HGFAC: variants seen among roughly 807,000 people sequenced by gnomAD.
The protein encoded by HGFAC is hepatocyte growth factor activator serine protease.
In HGFAC, 76 loss-of-function variants were observed where a neutral mutation model predicts 70.6. That is an observed-to-expected ratio of 1.08 (90% confidence interval 0.89 to 1.30). The LOEUF is 1.30. Among genes scored for constraint, HGFAC ranks in the 50% most tolerant of loss-of-function variants. The pLI, the probability that HGFAC is intolerant of heterozygous loss-of-function variation, is 0.00. For missense variants in HGFAC, 1,044 were observed against 933.7 expected, an observed-to-expected ratio of 1.12 and a Z score of -1.54; for synonymous variants, 464 against 405.3, an observed-to-expected ratio of 1.14 and a Z score of -1.74.
chr4:3,445,606 C>G (rs1725481951), intron 9 of HGFAC: 1 of 602,064 alleles, frequency 1.7e-6, no homozygotes. Context: ...GGACCATGCC[C>G]AGGATGGCCG....
Position 3,447,562 on chromosome 4 carries a change from A to G in HGFAC, c.1426A>G (p.Thr476Ala), listed in dbSNP as rs1279094408. 1 of 1,612,546 alleles carries G rather than the reference A, an allele frequency of 6.2e-7. No homozygotes were observed. Among genetic ancestry groups the G allele is most frequent in the East Asian group, 2.2e-5 (1 of 44,888 alleles). The change falls in exon 11 of 14, where the codon ACC becomes GCC. Residue 476 changes from threonine (T) to alanine (A), a missense_variant. By Grantham distance (58) the Thr-to-Ala change is moderately conservative. Transcript: ENST00000382774. ...CAACCGCACGACGGACGTGACGCAGACCTTCGGCATCGAGAAGTACATCCC... is the reference window on the plus strand; with the variant it reads ...CAACCGCACGACGGACGTGACGCAGGCCTTCGGCATCGAGAAGTACATCCC... ...FFNRTTDVTQ[T>A]FGIEKYIPYT...
At chr4:3,445,134 G>A (rs1448691783) in intron 8 of HGFAC, 131 bp from the exon 9 acceptor site, 11 of 1,292,880 alleles carry the variant, frequency 8.5e-6, no homozygotes, top group Admixed American at 6.2e-5. Flanking sequence ...GAGGCTGCCC[G>A]AGGGAGGGCC....
rs981845983 is a variant in HGFAC, at chr4:3,447,959, C to T, written c.1560C>T (p.Ile520=). 1.2e-6 allele frequency: 2 copies of T among 1,600,636 alleles called. No individual in the cohort carries two copies. Among genetic ancestry groups the T allele is most frequent in the Admixed American group, 1.7e-5 (1 of 58,316 alleles). Residue 520 remains isoleucine, a synonymous_variant, in exon 12 of 14, where the codon ATC becomes ATT. Transcript: ENST00000382774. The part of the protein sequence containing the change: ...CATRSQFVQP[I]CLPEPGSTFP... Reference sequence around the variant, plus strand: ...CACGCTCGCAGTTCGTGCAGCCCATCTGCCTGCCCGAGCCCGGCAGCACCT... The same window carrying T: ...CACGCTCGCAGTTCGTGCAGCCCATTTGCCTGCCCGAGCCCGGCAGCACCT...
intron 3 of HGFAC, 47 bp from the exon 4 acceptor site, chr4:3,443,294 G>C: frequency 2.7e-6 from 4 of 1,490,530 alleles, no homozygotes; most frequent in Non-Finnish European, 3.6e-6. Context: ...GGGTGGGGTG[G>C]GGGGCCTCTG....
intron 8 of HGFAC, 86 bp from the exon 9 acceptor site, chr4:3,445,179 C>G: frequency 1.5e-6 from 2 of 1,352,752 alleles, no homozygotes; most frequent in Non-Finnish European, 1.0e-6. Context: ...CGGGGAACCG[C>G]CCTGCTGGGG....
rs969497306 is a variant in HGFAC, at chr4:3,446,150, T to C, written c.1211T>C (p.Leu404Pro). 6.2e-7 allele frequency: 1 copy of C among 1,611,772 alleles called. No individual in the cohort carries two copies. The highest frequency in any genetic ancestry group is 1.3e-5 in the African/African-American group (1 of 75,032). Residue 404 changes from leucine (L) to proline (P), a missense_variant, in exon 10 of 14, where the codon CTG becomes CCG. Leu to Pro is a moderately conservative substitution (Grantham distance 98). Coordinates refer to ENST00000382774, the MANE Select transcript of HGFAC (RefSeq NM_001528.4). ...CGRRHKKRTFLRPRIIGGSSS... is the reference protein window; with the variant it reads ...CGRRHKKRTFPRPRIIGGSSS... ...AGGAGGCACAAGAAGAGGACGTTCC[T>C]GCGGCCACGTATCATCGGCGGCTCC...
At chr4:3,442,644 G>A (rs762873982) in intron 1 of HGFAC, 88 bp from the exon 2 acceptor site, 7 of 1,015,384 alleles carry the variant, frequency 6.9e-6, no homozygotes, top group Non-Finnish European at 8.2e-6. Flanking sequence ...CCCCAGTATG[G>A]AAACAGGCTC....
At chr4:3,446,548 A>G (rs1000922488) in intron 10 of HGFAC, among the ~76,000 whole-genome samples, 1 of 152,238 alleles carries the variant, frequency 6.6e-6, no homozygotes, top group Non-Finnish European at 1.5e-5. Flanking sequence ...CAGAGGACCC[A>G]GCGCCTGCGG....
At chr4:3,442,994 TG>T in intron 2 of HGFAC, 55 bp from the exon 3 acceptor site, 2 of 1,542,342 alleles carry the variant, frequency 1.3e-6, no homozygotes, top group South Asian at 2.3e-5. Flanking sequence ...CTGGAGGTCC[TG>T]AGGGGCTCGG....
intron 9 of HGFAC, chr4:3,445,651 G>C (rs1174900240): frequency 6.6e-6 from 4 of 603,062 alleles, no homozygotes; most frequent in Non-Finnish European, 8.8e-6. Flanking sequence ...GGAGGGCAGC[G>C]TGCAGGCCCC....
In HGFAC at chr4:3,444,477, C is replaced by T. The variant is rs1389439013; in HGVS notation, c.730+35C>T. On this transcript the variant is annotated intron_variant, in intron 6 of 13. Transcript: ENST00000382774. ...GGGGTGTGAGCCGTGCCACTGACCC[C>T]TGACGGGTGTCCCTGTCCACACCCG... The T allele has an allele frequency of 1.9e-6, 3 of 1,556,070 alleles. No homozygotes were observed. In the South Asian group the frequency reaches 3.7e-5, roughly 19 times the overall value.
chr4:3,447,502 G>T lies in HGFAC; in HGVS notation c.1366G>T (p.Asp456Tyr). ...GCCCCCCTTGCACAGCCCCCCCAGGGACAGCGTCTCCGTGGTGCTGGGCCA... is the reference window on the plus strand; with the variant it reads ...GCCCCCCTTGCACAGCCCCCCCAGGTACAGCGTCTCCGTGGTGCTGGGCCA... ...AHCFSHSPPR[D>Y]SVSVVLGQHF... Residue 456 changes from aspartate (D) to tyrosine (Y), a missense_variant, in exon 11 of 14, where the codon GAC becomes TAC. Physicochemically the swap from Asp to Tyr is radical, Grantham distance 160 (BLOSUM62 -3). Coordinates refer to ENST00000382774, the MANE Select transcript of HGFAC (RefSeq NM_001528.4). 2 of 1,612,600 alleles carry T rather than the reference G, an allele frequency of 1.2e-6. No homozygotes were observed. Among genetic ancestry groups the T allele is most frequent in the Non-Finnish European group, 1.7e-6 (2 of 1,179,870 alleles).
intron 6 of HGFAC, 75 bp downstream of exon 6, chr4:3,444,517 C>A: frequency 6.6e-7 from 1 of 1,512,556 alleles, no homozygotes. Context: ...GGAGGAATGG[C>A]CTGAGGTCAC....
chr4:3,445,259 C>T lies in HGFAC; in HGVS notation c.1017-6C>T, dbSNP rs772342937. On this transcript the variant is annotated splice_polypyrimidine_tract_variant and splice_region_variant and intron_variant, in intron 8 of 13. Coordinates refer to ENST00000382774, the MANE Select transcript of HGFAC (RefSeq NM_001528.4). ...CTCCCTGCCAGCCCCCACTTATGCA[C>T]CGCAGGAATCCGGACAATGACGAGA... 1.9e-5 allele frequency: 29 copies of T among 1,567,156 alleles called. No homozygotes were observed. Among genetic ancestry groups the T allele is most frequent in the Non-Finnish European group, 1.9e-5 (22 of 1,156,614 alleles).
intron 9 of HGFAC, 108 bp from the exon 10 acceptor site, chr4:3,445,934 G>C: frequency 6.4e-7 from 1 of 1,556,114 alleles, no homozygotes; most frequent in South Asian, 1.2e-5. Flanking sequence ...GTGGACAGGG[G>C]GTCCGGCCAT....
Position 3,449,458 on chromosome 4 carries a change from C to G in HGFAC, c.*39C>G, listed in dbSNP as rs1363622520. On this transcript the variant is annotated 3_prime_UTR_variant, in exon 14 of 14. Coordinates refer to ENST00000382774, the MANE Select transcript of HGFAC (RefSeq NM_001528.4). ...CACCCTGGTTCCCACCATTCCCTGC[C>G]TTGCTGACAATAAAGATATTTCCAA... The G allele has an allele frequency of 6.7e-7, 1 of 1,488,636 alleles. No individual in the cohort carries two copies. The highest frequency in any genetic ancestry group is 1.4e-5 in the African/African-American group (1 of 70,496). 92.2% of individuals were successfully genotyped at this position (1,488,636 alleles called of 1,614,324 possible). A position where few individuals can be genotyped will look rare whatever the true frequency, so the allele number is the denominator to read the frequency against.
rs372954046 is a variant in HGFAC, at chr4:3,444,589, G to A, written c.731-34G>A. 72 of 1,550,800 alleles carry A rather than the reference G, an allele frequency of 4.6e-5. No individual in the cohort carries two copies. In the African/African-American group the frequency reaches 7.3e-4, roughly 16 times the overall value. The stretch of plus-strand genomic sequence containing the variant: ...ACTCCGCTGTCGTGGGGCACTGCGC[G>A]GCCCCTGGCCCAGCTCCTCGGCCCT... On this transcript the variant is annotated intron_variant, in intron 6 of 13. Transcript: ENST00000382774.
Position 3,449,276 on chromosome 4 carries a change from G to A in HGFAC, c.1825G>A (p.Val609Met), listed in dbSNP as rs1178389046. ...GCCCCTGGCCTGCGAGAAGAACGGC[G>A]TGGCTTACCTCTACGGCATCATCAG... ...GGPLACEKNG[V>M]AYLYGIISWG... Residue 609 changes from valine (V) to methionine (M), a missense_variant, in exon 14 of 14, where the codon GTG (valine) becomes ATG (methionine). Val to Met is a conservative substitution (Grantham distance 21). Coordinates refer to ENST00000382774, the MANE Select transcript of HGFAC (RefSeq NM_001528.4). The A allele has an allele frequency of 5.0e-6, 8 of 1,612,388 alleles. No individual in the cohort carries two copies. The highest frequency in any genetic ancestry group is 1.7e-5 in the Admixed American group (1 of 59,962).
chr4:3,444,497 C>T (rs903134470), intron 6 of HGFAC, 55 bp downstream of exon 6: 35 of 1,533,942 alleles, frequency 2.3e-5, no homozygotes, highest in Non-Finnish European at 3.1e-5. Flanking sequence ...TCCCTGTCCA[C>T]ACCCGAGTGG....
Sources: gnomAD v4.1 joint callset for allele counts (sites outside exome capture counted in the v4.1 genomes callset) on GRCh38, gnomAD v4.1.1 for gene constraint, MANE v1.5 for transcripts, NCBI Gene and HGNC (gene_info 2026-07-23, HGNC 2026-07-21) for gene names.